RAI1: variants seen among roughly 807,000 people sequenced by gnomAD.
The protein encoded by RAI1 is retinoic acid-induced protein 1.
RAI1 carries 9 observed loss-of-function variants against 123.8 expected under a neutral mutation model. The ratio of observed to expected loss-of-function variants is 0.07; its 90% CI spans 0.04 to 0.13. The LOEUF is 0.13. Ranked by LOEUF, RAI1 falls within the 10% of genes least tolerant of loss-of-function variation. The pLI, the probability that RAI1 is intolerant of heterozygous loss-of-function variation, is 1.00. For synonymous variants in RAI1, 1,231 were observed against 1,127.3 expected (o/e 1.09, Z -1.84); for missense variants, 2,256 against 2,545.8 (o/e 0.89, Z 2.45).
intron 1 of RAI1, among the ~76,000 whole-genome samples, chr17:17,715,559 G>A (rs1170725555): frequency 6.6e-6 from 1 of 152,214 alleles, no homozygotes; most frequent in Non-Finnish European, 1.5e-5. Context: ...AGTGCGAGGA[G>A]TGGTGTGGTC....
At chr17:17,726,894 G>A (rs937979154) in intron 2 of RAI1, among the ~76,000 whole-genome samples, 4 of 151,944 alleles carry the variant, frequency 2.6e-5, no homozygotes, top group Admixed American at 2.6e-4. Context: ...TTGCTTTGCC[G>A]GCATAATGTG....
intron 1 of RAI1, among the ~76,000 whole-genome samples, chr17:17,720,766 C>G (rs1252391111): frequency 6.6e-6 from 1 of 152,156 alleles, no homozygotes; most frequent in Admixed American, 6.5e-5. Flanking sequence ...AGATCCTGAC[C>G]TTGGGGTACT....
intron 1 of RAI1, among the ~76,000 whole-genome samples, chr17:17,701,041 C>G (rs1915206333): frequency 6.6e-6 from 1 of 152,224 alleles, no homozygotes; most frequent in Admixed American, 6.5e-5. Flanking sequence ...CTGCCTGCAA[C>G]AAAGACCCCT....
intron 1 of RAI1, among the ~76,000 whole-genome samples, chr17:17,712,293 G>T (rs1271738711): frequency 2.6e-5 from 4 of 152,268 alleles, no homozygotes; most frequent in Non-Finnish European, 1.5e-5. Context: ...CAGGTGATAT[G>T]TGTTAGGAAG....
At chr17:17,746,641 T>C (rs1349627147) in intron 2 of RAI1, among the ~76,000 whole-genome samples, 1 of 148,366 alleles carries the variant, frequency 6.7e-6, no homozygotes, top group Non-Finnish European at 1.5e-5. Flanking sequence ...TTTCTTTTTT[T>C]TTTTTTTTTT....
intron 1 of RAI1, among the ~76,000 whole-genome samples, chr17:17,688,218 C>T (rs1343349989): frequency 6.6e-6 from 1 of 151,820 alleles, no homozygotes; most frequent in East Asian, 1.9e-4. Flanking sequence ...GGCGCGGTGG[C>T]TTACGTCTAT....
At chr17:17,773,422 C>T (rs2031236946) in intron 2 of RAI1, among the ~76,000 whole-genome samples, 2 of 152,138 alleles carry the variant, frequency 1.3e-5, no homozygotes, top group East Asian at 3.9e-4. Flanking sequence ...ATGCCCTCCT[C>T]CATCCCTGCT....
In RAI1 at chr17:17,713,850, C is replaced by T. The variant is rs953764738; in HGVS notation, c.-148-10178C>T. Among the ~76,000 whole-genome samples, 5 of 152,318 alleles carry T rather than the reference C, an allele frequency of 3.3e-5. No homozygotes were observed. The East Asian group carries it at 7.7e-4, about 24-fold the overall frequency. Reference sequence around the variant, plus strand: ...ATCCACTTGGAGGGGCTCAGCCTCTCTCTCCAGCTCTTGTGGATCCATTCA... The same window carrying T: ...ATCCACTTGGAGGGGCTCAGCCTCTTTCTCCAGCTCTTGTGGATCCATTCA... On this transcript the variant is annotated intron_variant, in intron 1 of 5. Coordinates refer to ENST00000353383, the MANE Select transcript of RAI1 (RefSeq NM_030665.4).
chr17:17,797,657 C>T lies in RAI1; in HGVS notation c.4709C>T (p.Pro1570Leu). ...RRQQQVLPLD[P>L]AEPEIRLKYI... ...CAGCAGCAGGTGCTGCCCCTGGATC[C>T]CGCAGAGCCTGAAATCCGCCTCAAG... Residue 1570 changes from proline (P) to leucine (L), a missense_variant, in exon 3 of 6, where the codon CCC becomes CTC. Pro to Leu is a moderately conservative substitution (Grantham distance 98). This residue lies in a region of RAI1 where 410 missense variants were observed against 374.6 expected (regional missense o/e 1.09). Transcript: ENST00000353383. 1 of 1,613,882 alleles carries T rather than the reference C, an allele frequency of 6.2e-7. No individual in the cohort carries two copies. Among genetic ancestry groups the T allele is most frequent in the Non-Finnish European group, 8.5e-7 (1 of 1,180,004 alleles).
intron 1 of RAI1, among the ~76,000 whole-genome samples, chr17:17,719,121 G>C (rs1235404022): frequency 5.3e-5 from 8 of 152,162 alleles, no homozygotes; most frequent in South Asian, 2.1e-4. Context: ...TAGGATGCAG[G>C]CTTCTGTGCT....
intron 2 of RAI1, among the ~76,000 whole-genome samples, chr17:17,750,493 G>A (rs1378667904): frequency 1.3e-5 from 2 of 151,618 alleles, no homozygotes; most frequent in Non-Finnish European, 2.9e-5. Flanking sequence ...AGGCCGAGGC[G>A]GGTGGATCAC....
chr17:17,808,404 A>ATTT (rs1161321328), intron 4 of RAI1, among the ~76,000 whole-genome samples: 8 of 103,136 alleles, frequency 7.8e-5, no homozygotes, highest in African/African-American at 3.7e-4. Flanking sequence ...ATTTTATTTT[A>ATTT]TTTTATTTTA....
At chr17:17,752,261 T>G (rs1428029504) in intron 2 of RAI1, among the ~76,000 whole-genome samples, 1 of 152,188 alleles carries the variant, frequency 6.6e-6, no homozygotes, top group Non-Finnish European at 1.5e-5. Flanking sequence ...TCGTATTTCC[T>G]GCCTTTTGTG....
At chr17:17,755,414 G>A (rs1472459756) in intron 2 of RAI1, among the ~76,000 whole-genome samples, 1 of 152,208 alleles carries the variant, frequency 6.6e-6, no homozygotes. Flanking sequence ...CCACTTGGCA[G>A]GGTGAGTTGG....
intron 1 of RAI1, among the ~76,000 whole-genome samples, chr17:17,707,944 A>G (rs1915441622): frequency 6.6e-6 from 1 of 152,134 alleles, no homozygotes; most frequent in Admixed American, 6.5e-5. Context: ...GGCAGGCTCC[A>G]AGCTGACTTA....
intron 2 of RAI1, among the ~76,000 whole-genome samples, chr17:17,741,740 A>G (rs1916643684): frequency 6.6e-6 from 1 of 152,342 alleles, no homozygotes; most frequent in Admixed American, 6.5e-5. Flanking sequence ...TGGTTCTAAA[A>G]AGGCTTAAAG....
chr17:17,750,707 A>AAAAAAAG (rs1567871732), intron 2 of RAI1, among the ~76,000 whole-genome samples: 1 of 151,566 alleles, frequency 6.6e-6, no homozygotes. Flanking sequence ...AAAAAAAAAA[A>AAAAAAAG]AAAAAAGAAA....
rs1039244355 is a variant in RAI1 at position 17,795,820 on chromosome 17, G to A, written c.2872G>A (p.Gly958Arg). The change falls in exon 3 of 6, where the codon GGG becomes AGG. Residue 958 changes from glycine (G) to arginine (R), a missense_variant. This residue lies in a region of RAI1 where 566 missense variants were observed against 616.0 expected (regional missense o/e 0.92). Coordinates refer to ENST00000353383, the MANE Select transcript of RAI1 (RefSeq NM_030665.4). The surrounding 1 kb of genome is among the most constrained non-coding windows in gnomAD (Gnocchi z 5.9). ...HMKPGEEGPD[G>R]ERAPGDSTTS... ...GAAGCCAGGTGAAGAGGGGCCTGATGGGGAGCGAGCTCCAGGGGATTCCAC... is the reference window on the plus strand; with the variant it reads ...GAAGCCAGGTGAAGAGGGGCCTGATAGGGAGCGAGCTCCAGGGGATTCCAC... 5 of 1,613,542 alleles carry A rather than the reference G, an allele frequency of 3.1e-6. No homozygotes were observed. The highest frequency in any genetic ancestry group is 4.2e-6 in the Non-Finnish European group (5 of 1,180,016).
chr17:17,737,381 G>T (rs938244033), intron 2 of RAI1, among the ~76,000 whole-genome samples: 1 of 152,134 alleles, frequency 6.6e-6, no homozygotes, highest in African/African-American at 2.4e-5. Flanking sequence ...TGCAGAGTGG[G>T]CTTCTGAGGA....
Sources: gnomAD v4.1 joint callset for allele counts (sites outside exome capture counted in the v4.1 genomes callset) on GRCh38, gnomAD v4.1.1 for gene constraint, gnomAD v4.1.1 regional missense constraint, Gnocchi (gnomAD v3.1) non-coding constraint, MANE v1.5 for transcripts, NCBI Gene and HGNC (gene_info 2026-07-23, HGNC 2026-07-21) for gene names.